The following CSMD3 variants were observed in gnomAD, a reference collection of about 807,000 sequenced individuals.
CSMD3 encodes CUB and sushi domain-containing protein 3.
In CSMD3, 177 loss-of-function variants were observed where a neutral mutation model predicts 435.2. That is an observed-to-expected ratio of 0.41 (90% CI 0.36 to 0.46). The LOEUF (loss-of-function observed/expected upper bound fraction) is 0.46. CSMD3 is among the 20% of genes least tolerant of loss of function. CSMD3 has a pLI of 0.34. For synonymous variants in CSMD3, 1,656 were observed against 1,520.5 expected (o/e 1.09, Z -2.07); for missense variants, 4,265 against 4,504.6 (o/e 0.95, Z 1.52).
At chr8:113,083,498 C>T (rs2131465395) in intron 5 of CSMD3, among the ~76,000 whole-genome samples, 1 of 151,788 alleles carries the variant, frequency 6.6e-6, no homozygotes, top group East Asian at 2.0e-4. Context: ...AATGGTCTTA[C>T]AATAAATGTG....
rs144142909 is a variant in CSMD3 at position 112,361,443 on chromosome 8, TA to T, written c.6137-8910del. 4.9e-3 allele frequency among the ~76,000 whole-genome samples: 739 copies of T among 151,378 alleles called. 5 individuals carry two copies. Among genetic ancestry groups the T allele is most frequent in the African/African-American group, 0.017 (691 of 41,420 alleles). The stretch of plus-strand genomic sequence containing the variant: ...ATATTTATTTATAATCAAAACGTAT[TA>T]TTTCCAATTCTGTTCACAAAGCAAT... On this transcript the variant is annotated intron_variant, in intron 38 of 70. Transcript: ENST00000297405.
intron 13 of CSMD3, among the ~76,000 whole-genome samples, chr8:112,692,476 A>G (rs1381498445): frequency 1.3e-5 from 2 of 152,146 alleles, no homozygotes; most frequent in African/African-American, 4.8e-5. Context: ...CAGTGGATAA[A>G]TAAGTGAAAT....
intron 12 of CSMD3, among the ~76,000 whole-genome samples, chr8:112,829,484 A>C (rs1210011648): frequency 6.6e-6 from 1 of 152,192 alleles, no homozygotes; most frequent in Non-Finnish European, 1.5e-5. Flanking sequence ...TTGTTAGAGA[A>C]GCCCAACTGA....
At position 112,495,550 on chromosome 8, in the gene CSMD3, T is replaced by A. The variant is rs1821249632; in HGVS notation, c.5084-2867A>T. Reference sequence around the variant, plus strand: ...TATTATGTTTACATACTGCTTTAAATCCTTGGTGAATAGTTTTCTATGAAT... The same window carrying A: ...TATTATGTTTACATACTGCTTTAAAACCTTGGTGAATAGTTTTCTATGAAT... On this transcript the variant is annotated intron_variant, in intron 30 of 70. Coordinates refer to ENST00000297405, the MANE Select transcript of CSMD3 (RefSeq NM_198123.2). Among the ~76,000 whole-genome samples the A allele has an allele frequency of 2.6e-5, 4 of 152,210 alleles. No homozygotes were observed. In the South Asian group the frequency reaches 8.3e-4, roughly 31 times the overall value.
intron 3 of CSMD3, among the ~76,000 whole-genome samples, chr8:113,182,263 A>G (rs1277671795): frequency 1.3e-5 from 2 of 152,072 alleles, no homozygotes; most frequent in Non-Finnish European, 2.9e-5. Flanking sequence ...ATGAAATGAG[A>G]TAAGTAAGTT....
intron 38 of CSMD3, among the ~76,000 whole-genome samples, chr8:112,376,914 G>A (rs1425306749): frequency 6.6e-6 from 1 of 152,100 alleles, no homozygotes; most frequent in African/African-American, 2.4e-5. Flanking sequence ...TTTAAGTAGA[G>A]TGTAAGAAAA....
rs183012910 is a variant in CSMD3 at position 112,511,830 on chromosome 8, C to G, written c.4757-5001G>C. On this transcript the variant is annotated intron_variant, in intron 28 of 70. Coordinates refer to ENST00000297405, the MANE Select transcript of CSMD3 (RefSeq NM_198123.2). ...TCTCAAATTCTGCCTCTGCTTTTAT[C>G]AACTAAGTTATGTAATATTTGAAGT... Among the ~76,000 whole-genome samples the G allele has an allele frequency of 3.6e-3, 542 of 152,292 alleles. 1 individual carries two copies. Among genetic ancestry groups the G allele is most frequent in the African/African-American group, 0.012 (519 of 41,556 alleles).
chr8:112,878,607 A>G (rs542968380), intron 10 of CSMD3, among the ~76,000 whole-genome samples: 6 of 152,300 alleles, frequency 3.9e-5, no homozygotes, highest in African/African-American at 1.4e-4. Flanking sequence ...CTATAAAGAC[A>G]TGTGCACATG....
At chr8:112,485,576 C>A (rs1205536620) in intron 31 of CSMD3, among the ~76,000 whole-genome samples, 3 of 152,068 alleles carry the variant, frequency 2.0e-5, no homozygotes, top group African/African-American at 7.2e-5. Flanking sequence ...CAAGACAAGT[C>A]ATGCCATTTA....
chr8:113,374,805 T>A (rs2094368355), intron 1 of CSMD3, among the ~76,000 whole-genome samples: 1 of 133,020 alleles, frequency 7.5e-6, no homozygotes, highest in South Asian at 2.4e-4. Context: ...ATATGCACCT[T>A]GTTGTTAAAA....
chr8:112,876,041 T>C lies in CSMD3; in HGVS notation c.1634-16775A>G, dbSNP rs946214920. ...ACCTTTTTGCATTGGTTTTTCCTTATCTTTGTGGATTTATCTACCAACGGT... is the reference window on the plus strand; with the variant it reads ...ACCTTTTTGCATTGGTTTTTCCTTACCTTTGTGGATTTATCTACCAACGGT... On this transcript the variant is annotated intron_variant, in intron 10 of 70. Coordinates refer to ENST00000297405, the MANE Select transcript of CSMD3 (RefSeq NM_198123.2). Among the ~76,000 whole-genome samples the C allele has an allele frequency of 1.3e-5, 2 of 152,142 alleles. 1 individual carries two copies. The highest frequency in any genetic ancestry group is 4.1e-4 in the South Asian group (2 of 4,836).
intron 32 of CSMD3, among the ~76,000 whole-genome samples, chr8:112,427,253 T>G (rs1586288467): frequency 6.6e-6 from 1 of 152,170 alleles, no homozygotes; most frequent in East Asian, 1.9e-4. Context: ...TATGCTGATA[T>G]GGTTTGGTTG....
chr8:112,569,309 T>C (rs1321151177), intron 24 of CSMD3, among the ~76,000 whole-genome samples: 1 of 152,132 alleles, frequency 6.6e-6, no homozygotes, highest in Non-Finnish European at 1.5e-5. Context: ...TTGATCTTGT[T>C]AAGTAGTTGA....
intron 61 of CSMD3, among the ~76,000 whole-genome samples, chr8:112,259,569 C>T (rs1453740663): frequency 1.3e-5 from 2 of 151,906 alleles, no homozygotes; most frequent in African/African-American, 4.8e-5. Flanking sequence ...TTCACCTGTA[C>T]CCCAGAACTT....
At chr8:113,272,529 G>C (rs1048347229) in intron 3 of CSMD3, among the ~76,000 whole-genome samples, 1 of 151,060 alleles carries the variant, frequency 6.6e-6, no homozygotes, top group Non-Finnish European at 1.5e-5. Flanking sequence ...TGGGGTTTCT[G>C]CTTTTGCAAT....
rs769977033 is a variant in CSMD3, at chr8:113,436,659, C to T, written c.178+18G>A. ...CCACCTCCATCCAAAGCGGAGGGGACCCCCAAAGCAGACCTACCTTTCACA... is the reference window on the plus strand; with the variant it reads ...CCACCTCCATCCAAAGCGGAGGGGATCCCCAAAGCAGACCTACCTTTCACA... On this transcript the variant is annotated intron_variant, in intron 1 of 70. Coordinates refer to ENST00000297405, the MANE Select transcript of CSMD3 (RefSeq NM_198123.2). The T allele has an allele frequency of 6.2e-7, 1 of 1,613,464 alleles. No homozygotes were observed. The highest frequency in any genetic ancestry group is 8.5e-7 in the Non-Finnish European group (1 of 1,179,440).
At chr8:112,973,884 ATT>A (rs2084749985) in intron 7 of CSMD3, among the ~76,000 whole-genome samples, 1 of 151,934 alleles carries the variant, frequency 6.6e-6, no homozygotes, top group East Asian at 1.9e-4. Context: ...AAGTATAACA[ATT>A]TAAGTCACTG....
intron 1 of CSMD3, among the ~76,000 whole-genome samples, chr8:113,411,019 T>A (rs1333758838): frequency 3.9e-4 from 45 of 115,016 alleles, no homozygotes; most frequent in African/African-American, 4.0e-4. Context: ...GAAAGAAAAA[T>A]AAAGAAAGAA....
chr8:112,415,909 C>T (rs1811862160), intron 32 of CSMD3, among the ~76,000 whole-genome samples: 1 of 152,112 alleles, frequency 6.6e-6, no homozygotes, highest in African/African-American at 2.4e-5. Context: ...ATGCCTGTAC[C>T]CCCATTGTAT....
Sources: allele counts gnomAD v4.1 joint callset (sites outside exome capture counted in the v4.1 genomes callset), GRCh38; gene constraint gnomAD v4.1.1; transcripts MANE v1.5; gene names NCBI Gene and HGNC (gene_info 2026-07-23, HGNC 2026-07-21).